The following MALRD1 variants were observed in gnomAD, a reference collection of about 807,000 sequenced individuals.
MALRD1 encodes the protein MAM and LDL-receptor class A domain-containing protein 1.
MALRD1 carries 247 observed loss-of-function variants against 242.1 expected under a neutral mutation model. The ratio of observed to expected loss-of-function variants is 1.02; its 90% CI spans 0.92 to 1.13. MALRD1 has a LOEUF of 1.13. Among genes scored for constraint, MALRD1 ranks in the 50% most tolerant of loss-of-function variants. The pLI, the probability that MALRD1 is intolerant of heterozygous loss-of-function variation, is 0.00. For synonymous variants in MALRD1, 995 were observed against 866.6 expected (o/e 1.15, Z -2.60); for missense variants, 2,989 against 2,533.1 (o/e 1.18, Z -3.86).
intron 28 of MALRD1, among the ~76,000 whole-genome samples, chr10:19,407,654 C>T (rs1833094500): frequency 6.6e-6 from 1 of 152,058 alleles, no homozygotes; most frequent in African/African-American, 2.4e-5. Flanking sequence ...TGCAAATAAA[C>T]TCTAAATACC....
chr10:19,648,355 T>C (rs1324596778), intron 36 of MALRD1, among the ~76,000 whole-genome samples: 1 of 152,150 alleles, frequency 6.6e-6, no homozygotes. Flanking sequence ...GCCTATTCCA[T>C]AGATCATTAC....
intron 29 of MALRD1, among the ~76,000 whole-genome samples, chr10:19,476,791 A>C (rs1836756482): frequency 6.6e-6 from 1 of 152,168 alleles, no homozygotes; most frequent in South Asian, 2.1e-4. Context: ...TTTTTTATTC[A>C]TATGACATGT....
intron 13 of MALRD1, among the ~76,000 whole-genome samples, chr10:19,167,118 G>A (rs572366909): frequency 6.6e-6 from 1 of 152,276 alleles, no homozygotes; most frequent in Admixed American, 6.5e-5. Flanking sequence ...CCAGCGCTTT[G>A]GGAGGCTGAG....
At chr10:19,222,791 G>A (rs1837619536) in intron 18 of MALRD1, among the ~76,000 whole-genome samples, 1 of 152,128 alleles carries the variant, frequency 6.6e-6, no homozygotes, top group East Asian at 1.9e-4. Context: ...GAACCAAATA[G>A]TTTTGCTTGC....
At chr10:19,442,579 T>G (rs1322504045) in intron 28 of MALRD1, among the ~76,000 whole-genome samples, 1 of 152,264 alleles carries the variant, frequency 6.6e-6, no homozygotes, top group South Asian at 2.1e-4. Flanking sequence ...GAGATAATCA[T>G]GTGGTTTTTG....
intron 29 of MALRD1, among the ~76,000 whole-genome samples, chr10:19,476,315 T>G (rs1015893114): frequency 2.6e-5 from 4 of 152,188 alleles, no homozygotes; most frequent in Non-Finnish European, 5.9e-5. Context: ...CTTTGATCAG[T>G]TGTCTATCCT....
intron 32 of MALRD1, among the ~76,000 whole-genome samples, chr10:19,558,474 C>T (rs1835821170): frequency 6.6e-6 from 1 of 152,066 alleles, no homozygotes; most frequent in Admixed American, 6.6e-5. Flanking sequence ...ATATTCTTTT[C>T]TGCATGTATT....
chr10:19,282,025 C>T (rs1840839328), intron 20 of MALRD1, among the ~76,000 whole-genome samples: 1 of 149,950 alleles, frequency 6.7e-6, no homozygotes, highest in South Asian at 2.1e-4. Flanking sequence ...TAACAAAATG[C>T]TAAGGGTACA....
At chr10:19,465,193 C>T (rs757681802) in intron 29 of MALRD1, among the ~76,000 whole-genome samples, 30 of 151,996 alleles carry the variant, frequency 2.0e-4, no homozygotes, top group Non-Finnish European at 3.4e-4. Flanking sequence ...AATTTAAATG[C>T]CCTTTATTTC....
At chr10:19,659,569 A>T (rs11813720) in intron 36 of MALRD1, among the ~76,000 whole-genome samples, 15,164 of 151,992 alleles carry the variant, frequency 0.1, 1,884 homozygotes, top group African/African-American at 0.29. Context: ...TATCAATTTC[A>T]TTCTCTTCAC....
chr10:19,113,850 C>A (rs1472494523), intron 5 of MALRD1, among the ~76,000 whole-genome samples: 1 of 151,126 alleles, frequency 6.6e-6, no homozygotes, highest in Non-Finnish European at 1.5e-5. Context: ...CACACAGACA[C>A]ATGTGTATTG....
At chr10:19,325,266 G>C (rs577948301) in intron 22 of MALRD1, among the ~76,000 whole-genome samples, 16 of 152,012 alleles carry the variant, frequency 1.1e-4, no homozygotes, top group African/African-American at 3.9e-4. Context: ...GGAAATAAGA[G>C]TCCCTCTTAA....
chr10:19,479,972 G>C (rs1799294221), intron 29 of MALRD1, among the ~76,000 whole-genome samples: 1 of 152,130 alleles, frequency 6.6e-6, no homozygotes, highest in African/African-American at 2.4e-5. Context: ...ATCTTACCTA[G>C]TAGCAAAAGG....
intron 4 of MALRD1, among the ~76,000 whole-genome samples, chr10:19,096,273 A>C (rs1189515604): frequency 2.0e-5 from 3 of 152,010 alleles, no homozygotes; most frequent in East Asian, 1.9e-4. Context: ...AAAACGTAAA[A>C]CTCCAGAATA....
intron 12 of MALRD1, among the ~76,000 whole-genome samples, chr10:19,162,905 G>T (rs991462246): frequency 6.6e-6 from 1 of 151,886 alleles, no homozygotes; most frequent in East Asian, 1.9e-4. Flanking sequence ...GCTGAGGGTG[G>T]GTGGAGTGCT....
chr10:19,298,743 A>G (rs1841820294), intron 21 of MALRD1, among the ~76,000 whole-genome samples: 1 of 152,016 alleles, frequency 6.6e-6, no homozygotes, highest in African/African-American at 2.4e-5. Flanking sequence ...AGAAGTTAAG[A>G]GTGCAGAGTT....
chr10:19,297,686 G>C (rs1841772239), intron 21 of MALRD1, among the ~76,000 whole-genome samples: 1 of 151,700 alleles, frequency 6.6e-6, no homozygotes, highest in Non-Finnish European at 1.5e-5. Context: ...CAAGATATGA[G>C]AAATATTTTA....
At chr10:19,666,225 A>C (rs1841678962) in intron 36 of MALRD1, among the ~76,000 whole-genome samples, 1 of 151,948 alleles carries the variant, frequency 6.6e-6, no homozygotes, top group Non-Finnish European at 1.5e-5. Flanking sequence ...ATTCTTAGTC[A>C]CCTAACCATC....
intron 2 of MALRD1, among the ~76,000 whole-genome samples, chr10:19,075,050 T>C (rs1425222157): frequency 2.0e-5 from 3 of 152,056 alleles, no homozygotes; most frequent in Admixed American, 2.0e-4. Context: ...GCATATGAAC[T>C]CTGGGAACTA....
Sources: allele counts gnomAD v4.1 joint callset (sites outside exome capture counted in the v4.1 genomes callset), GRCh38; gene constraint gnomAD v4.1.1; transcripts MANE v1.5; gene names NCBI Gene and HGNC (gene_info 2026-07-23, HGNC 2026-07-21).